Variants in SORCS1 observed in about 807,000 individuals in gnomAD.
SORCS1 encodes the protein sortilin related VPS10 domain containing receptor 1.
In SORCS1, 60 loss-of-function variants were observed where a neutral mutation model predicts 146.1. The ratio of observed to expected loss-of-function variants is 0.41; its 90% CI spans 0.33 to 0.51. The LOEUF (loss-of-function observed/expected upper bound fraction) is 0.51, where lower values mean the gene tolerates loss of function less well. SORCS1 is among the 20% of genes least tolerant of loss of function. The pLI, the probability that SORCS1 is intolerant of heterozygous loss-of-function variation, is 0.21. For missense variants in SORCS1, 1,352 were observed against 1,487.6 expected (o/e 0.91, Z 1.50); for synonymous variants, 637 against 584.0 (o/e 1.09, Z -1.31).
chr10:106,646,893 G>A (rs1005402903), intron 18 of SORCS1, among the ~76,000 whole-genome samples: 12 of 150,844 alleles, frequency 8.0e-5, no homozygotes, highest in African/African-American at 2.9e-4. Context: ...AAGTGGGTGG[G>A]TGTGTGTCTA....
intron 2 of SORCS1, among the ~76,000 whole-genome samples, chr10:106,855,993 A>T (rs1176695962): frequency 6.6e-6 from 1 of 151,550 alleles, no homozygotes; most frequent in Non-Finnish European, 1.5e-5. Context: ...TAGTTGTGTG[A>T]TGGTAATACG....
At chr10:107,156,242 C>T (rs974016907) in intron 1 of SORCS1, among the ~76,000 whole-genome samples, 1 of 152,200 alleles carries the variant, frequency 6.6e-6, no homozygotes, top group African/African-American at 2.4e-5. Flanking sequence ...TAAACCCATA[C>T]AAAGCATGAT....
At chr10:106,751,043 G>A (rs1250843533) in intron 5 of SORCS1, among the ~76,000 whole-genome samples, 3 of 106,864 alleles carry the variant, frequency 2.8e-5, no homozygotes, top group East Asian at 2.9e-4. Context: ...TGGGCGACAG[G>A]GTGAGACTCC....
intron 1 of SORCS1, among the ~76,000 whole-genome samples, chr10:106,987,771 C>T (rs1425767237): frequency 6.6e-6 from 1 of 152,166 alleles, no homozygotes; most frequent in Non-Finnish European, 1.5e-5. Context: ...TCCACTATCA[C>T]TCTGGGGCTC....
intron 5 of SORCS1, among the ~76,000 whole-genome samples, chr10:106,757,613 T>C: frequency 6.6e-6 from 1 of 152,334 alleles, no homozygotes; most frequent in African/African-American, 2.4e-5. Flanking sequence ...CGAGTTCCCA[T>C]GCCTTCTCTA....
At chr10:107,074,131 A>G (rs909896309) in intron 1 of SORCS1, among the ~76,000 whole-genome samples, 1 of 152,160 alleles carries the variant, frequency 6.6e-6, no homozygotes, top group African/African-American at 2.4e-5. Flanking sequence ...AATGGCATGT[A>G]TCCACCATTA....
At chr10:106,784,133 C>T (rs995479334) in intron 3 of SORCS1, among the ~76,000 whole-genome samples, 3 of 152,120 alleles carry the variant, frequency 2.0e-5, no homozygotes, top group South Asian at 2.1e-4. Context: ...CAGTGGCTCA[C>T]GCCTGTAATC....
chr10:106,862,503 A>G (rs928064533), intron 2 of SORCS1, among the ~76,000 whole-genome samples: 1 of 152,132 alleles, frequency 6.6e-6, no homozygotes, highest in Non-Finnish European at 1.5e-5. Context: ...GTTTTTTTTA[A>G]GTGGCAGAAG....
chr10:107,038,704 GA>G (rs1471827178), intron 1 of SORCS1, among the ~76,000 whole-genome samples: 69 of 143,512 alleles, frequency 4.8e-4, no homozygotes, highest in African/African-American at 1.6e-3. Flanking sequence ...GGCGGGGGGG[GA>G]GGTGGTAGTG....
In SORCS1 at chr10:106,575,329, C is replaced by G. The variant is rs942405381; in HGVS notation, c.*2091G>C. 3.9e-5 allele frequency: 6 copies of G among 152,264 alleles called. No homozygotes were observed. Among genetic ancestry groups the G allele is most frequent in the Non-Finnish European group, 2.9e-5 (2 of 68,076 alleles). 9.4% of individuals were successfully genotyped at this position (152,264 alleles called of 1,614,324 possible). On this transcript the variant is annotated 3_prime_UTR_variant, in exon 26 of 26. Transcript: ENST00000263054. ...TGACAAACTTCTGACAGCAGCTTTG[C>G]TATTCTTTCTGTGCCTGAACTACAT...
At chr10:106,681,043 A>G (rs532469332) in intron 10 of SORCS1, among the ~76,000 whole-genome samples, 53 of 152,348 alleles carry the variant, frequency 3.5e-4, no homozygotes, top group African/African-American at 1.1e-3. Context: ...TAAAAATTTC[A>G]TGTAAAGCTT....
intron 17 of SORCS1, among the ~76,000 whole-genome samples, chr10:106,653,938 G>C (rs1850077439): frequency 6.6e-6 from 1 of 152,036 alleles, no homozygotes; most frequent in Non-Finnish European, 1.5e-5. Flanking sequence ...TGTAGGCCTG[G>C]GCATGAAGCC....
At position 106,736,442 on chromosome 10, in the gene SORCS1, A is replaced by G. The variant is rs74152233; in HGVS notation, c.960-6328T>C. Among the ~76,000 whole-genome samples, 379 of 152,220 alleles carry G rather than the reference A, an allele frequency of 2.5e-3. 2 individuals are homozygous for G. Among genetic ancestry groups the G allele is most frequent in the African/African-American group, 8.6e-3 (359 of 41,520 alleles). On this transcript the variant is annotated intron_variant, in intron 5 of 25. Transcript: ENST00000263054. The stretch of plus-strand genomic sequence containing the variant: ...TCATGTTCCCACAGCCCCTCTTCAT[A>G]AACAAAGTCCATGAGGGCAACAGGT...
chr10:106,731,718 A>C (rs1397234083), intron 5 of SORCS1, among the ~76,000 whole-genome samples: 1 of 152,206 alleles, frequency 6.6e-6, no homozygotes, highest in Admixed American at 6.5e-5. Flanking sequence ...ACAGACACAC[A>C]CACAACACAC....
intron 1 of SORCS1, among the ~76,000 whole-genome samples, chr10:106,989,680 G>GTTTTTT (rs761689988): frequency 8.5e-5 from 6 of 70,370 alleles, no homozygotes; most frequent in African/African-American, 3.2e-4. Flanking sequence ...GTTTTTTTTT[G>GTTTTTT]TTTTTTTTTT....
intron 2 of SORCS1, among the ~76,000 whole-genome samples, chr10:106,886,300 T>C (rs1257725676): frequency 6.6e-6 from 1 of 151,982 alleles, no homozygotes; most frequent in Non-Finnish European, 1.5e-5. Flanking sequence ...CCCAAAACCC[T>C]CTTTCTCTGT....
chr10:106,843,429 C>CT (rs141378677), intron 2 of SORCS1, among the ~76,000 whole-genome samples: 41,466 of 116,348 alleles, frequency 0.36, 8,756 homozygotes, highest in Non-Finnish European at 0.37. Flanking sequence ...GCAGGATTTC[C>CT]TTTTTTTTTT....
At chr10:106,991,955 C>T (rs891848934) in intron 1 of SORCS1, among the ~76,000 whole-genome samples, 3 of 152,198 alleles carry the variant, frequency 2.0e-5, no homozygotes, top group African/African-American at 4.8e-5. Flanking sequence ...TTTTTATCTC[C>T]ACTTCCACCA....
intron 1 of SORCS1, among the ~76,000 whole-genome samples, chr10:107,158,700 C>T (rs2134901402): frequency 6.6e-6 from 1 of 152,194 alleles, no homozygotes; most frequent in Non-Finnish European, 1.5e-5. Flanking sequence ...TATCCCTATG[C>T]CAGTGAATGA....
Sources: gnomAD v4.1 joint callset for allele counts (sites outside exome capture counted in the v4.1 genomes callset) on GRCh38, gnomAD v4.1.1 for gene constraint, MANE v1.5 for transcripts, NCBI Gene and HGNC (gene_info 2026-07-23, HGNC 2026-07-21) for gene names.